Variants in MAPK9 observed in about 807,000 individuals in gnomAD.
The protein encoded by MAPK9 is mitogen-activated protein kinase 9.
In MAPK9, 30 loss-of-function variants were observed where a neutral mutation model predicts 57.1. That is an observed-to-expected ratio of 0.53 (90% CI 0.39 to 0.71). The LOEUF (loss-of-function observed/expected upper bound fraction) is 0.71. MAPK9 is among the 30% of genes least tolerant of loss of function. The pLI is 0.00. For synonymous variants in MAPK9, 155 were observed against 177.0 expected, an observed-to-expected ratio of 0.88 and a Z score of 0.99; for missense variants, 362 against 521.0, an observed-to-expected ratio of 0.69 and a Z score of 2.97.
chr5:180,245,129 C>T (rs1168686104), intron 7 of MAPK9, among the ~76,000 whole-genome samples: 1 of 152,236 alleles, frequency 6.6e-6, no homozygotes, highest in African/African-American at 2.4e-5. Context: ...CAGTCCTAGG[C>T]TTCAAGGCTA....
intron 5 of MAPK9, among the ~76,000 whole-genome samples, chr5:180,256,046 A>G (rs1018008648): frequency 9.2e-5 from 14 of 152,242 alleles, no homozygotes; most frequent in South Asian, 4.1e-4. Context: ...TCAAAAGGAC[A>G]TAAGTACAGA....
intron 2 of MAPK9, among the ~76,000 whole-genome samples, chr5:180,273,520 T>A (rs1761549656): frequency 6.6e-6 from 1 of 152,050 alleles, no homozygotes; most frequent in African/African-American, 2.4e-5. Context: ...AGCCACCACA[T>A]CCAGCAGATA....
rs1228534775 is a variant in MAPK9 at position 180,238,546 on chromosome 5, T to C, written c.1061-143A>G. On this transcript the variant is annotated intron_variant, in intron 10 of 11. Coordinates refer to ENST00000452135, the MANE Select transcript of MAPK9 (RefSeq NM_002752.5). ...GTAAGACAGAGTCAATTCAGTAATA[T>C]AGTCTACCTGGACCAAAATATTCAT... is the stretch of plus-strand genomic sequence containing the variant. 4 of 585,834 alleles carry C rather than the reference T, an allele frequency of 6.8e-6. No individual in the cohort carries two copies. In the Admixed American group the frequency reaches 1.2e-4, roughly 18 times the overall value. The allele number at this position is 585,834 out of a possible 1,614,324, so 36.3% of individuals were successfully genotyped here. A position where few individuals can be genotyped will look rare whatever the true frequency, so the allele number is the denominator to read the frequency against.
chr5:180,289,209 C>G (rs1379957870), intron 1 of MAPK9, among the ~76,000 whole-genome samples: 1 of 152,116 alleles, frequency 6.6e-6, no homozygotes, highest in African/African-American at 2.4e-5. Flanking sequence ...TTTTCTTTAT[C>G]CAGAAAATTA....
rs192663469 is a variant in MAPK9 at position 180,265,920 on chromosome 5, T to A, written c.253-1081A>T. ...AAACATGAAATAAAACCTCAGAATATAGATAAACATTTATATAATCCTAGC... is the reference window on the plus strand; with the variant it reads ...AAACATGAAATAAAACCTCAGAATAAAGATAAACATTTATATAATCCTAGC... On this transcript the variant is annotated intron_variant, in intron 3 of 11. Coordinates refer to ENST00000452135, the MANE Select transcript of MAPK9 (RefSeq NM_002752.5). Among the ~76,000 whole-genome samples the A allele has an allele frequency of 7.2e-5, 11 of 152,108 alleles. No homozygotes were observed. The East Asian group carries it at 2.1e-3, about 29-fold the overall frequency.
intron 2 of MAPK9, among the ~76,000 whole-genome samples, chr5:180,277,196 A>G (rs1026459314): frequency 6.6e-6 from 1 of 152,270 alleles, no homozygotes; most frequent in Admixed American, 6.5e-5. Context: ...TATTGTAACA[A>G]GTAACCACCA....
Position 180,247,456 on chromosome 5 carries a change from A to G in MAPK9, c.671T>C (p.Ile224Thr). ...IMGELVKGCV[I>T]FQGTDHIDQW... ...AAGGATACGGTCAGTGCCTTGGAAT[A>G]TCACACAACCTTTCACCAGCTCTCC... The change falls in exon 7 of 12, where the codon ATA becomes ACA. Residue 224 changes from isoleucine (I) to threonine (T), a missense_variant. Physicochemically the swap from Ile to Thr is moderately conservative, Grantham distance 89. Transcript: ENST00000452135. This position sits in a 1 kb window ranked among gnomAD's most constrained non-coding sequence, Gnocchi z 4.5. 2 of 1,614,240 alleles carry G rather than the reference A, an allele frequency of 1.2e-6. No individual in the cohort carries two copies. The highest frequency in any genetic ancestry group is 1.7e-6 in the Non-Finnish European group (2 of 1,180,048).
intron 7 of MAPK9, among the ~76,000 whole-genome samples, chr5:180,243,642 G>C (rs1281647289): frequency 6.6e-6 from 1 of 152,134 alleles, no homozygotes; most frequent in Non-Finnish European, 1.5e-5. Context: ...AAATAACCTA[G>C]GGAACTGGTA....
chr5:180,291,186 G>A (rs921609638), intron 1 of MAPK9, among the ~76,000 whole-genome samples: 8 of 152,166 alleles, frequency 5.3e-5, no homozygotes, highest in Non-Finnish European at 1.2e-4. Flanking sequence ...AGATGAGTGG[G>A]ACGGGGCAGC....
At chr5:180,269,789 T>C (rs966683051) in intron 2 of MAPK9, among the ~76,000 whole-genome samples, 1 of 152,240 alleles carries the variant, frequency 6.6e-6, no homozygotes, top group Middle Eastern at 3.2e-3. Flanking sequence ...TGTCTTAAAA[T>C]GTGTATATTT....
chr5:180,235,230 C>G lies in MAPK9; in HGVS notation c.*1154G>C, dbSNP rs978694521. On this transcript the variant is annotated 3_prime_UTR_variant, in exon 12 of 12. Transcript: ENST00000452135. ...CAGAACATTCTTGTGAAAAGGAATG[C>G]CTCCCAACAATGGAGAGCAACAATA... is the stretch of plus-strand genomic sequence containing the variant. 3 of 152,192 alleles carry G rather than the reference C, an allele frequency of 2.0e-5. No individual in the cohort carries two copies. The highest frequency in any genetic ancestry group is 7.2e-5 in the African/African-American group (3 of 41,440). The allele number at this position is 152,192 out of a possible 1,614,324, so 9.4% of individuals were successfully genotyped here.
chr5:180,279,746 T>C (rs1461183563), intron 2 of MAPK9: 2 of 421,860 alleles, frequency 4.7e-6, no homozygotes, highest in South Asian at 1.6e-5. Context: ...GGGTAAAAAG[T>C]GTGGGAAGTG....
intron 2 of MAPK9, among the ~76,000 whole-genome samples, chr5:180,275,792 GC>G (rs1343449427): frequency 2.0e-5 from 3 of 152,172 alleles, no homozygotes; most frequent in African/African-American, 7.2e-5. Flanking sequence ...TATGCCCACA[GC>G]CTCTGTAGTT....
chr5:180,246,297 A>C (rs947459257), intron 7 of MAPK9: 1 of 152,218 alleles, frequency 6.6e-6, no homozygotes, highest in Non-Finnish European at 1.5e-5. Flanking sequence ...GAGGCTATGG[A>C]AACTGCTAGA....
At chr5:180,269,194 A>G (rs1761012201) in intron 3 of MAPK9, 86 bp downstream of exon 3, 1 of 1,383,238 alleles carries the variant, frequency 7.2e-7, no homozygotes, top group Non-Finnish European at 1.0e-6. Context: ...CCTAGGTCTG[A>G]ACTCAATGTA....
At chr5:180,281,966 G>A (rs77590051) in intron 1 of MAPK9, among the ~76,000 whole-genome samples, 138 of 152,304 alleles carry the variant, frequency 9.1e-4, no homozygotes, top group African/African-American at 3.3e-3. Context: ...TGTTACCTGG[G>A]AGCAATCTAG....
At chr5:180,273,144 T>C (rs1319926903) in intron 2 of MAPK9, among the ~76,000 whole-genome samples, 1 of 152,236 alleles carries the variant, frequency 6.6e-6, no homozygotes, top group East Asian at 1.9e-4. Flanking sequence ...AATAACGGCA[T>C]TGAGCACTTT....
At chr5:180,289,427 T>TA (rs1280078627) in intron 1 of MAPK9, among the ~76,000 whole-genome samples, 1 of 152,080 alleles carries the variant, frequency 6.6e-6, no homozygotes, top group Non-Finnish European at 1.5e-5. Context: ...AAAAAAAAGT[T>TA]AAATGGAGGA....
chr5:180,273,229 C>G (rs1761510037), intron 2 of MAPK9, among the ~76,000 whole-genome samples: 1 of 152,142 alleles, frequency 6.6e-6, no homozygotes, highest in Admixed American at 6.5e-5. Flanking sequence ...TTATAATCTT[C>G]TTGACTGTTG....
Sources: gnomAD v4.1 joint callset for allele counts (sites outside exome capture counted in the v4.1 genomes callset) on GRCh38, gnomAD v4.1.1 for gene constraint, Gnocchi (gnomAD v3.1) non-coding constraint, MANE v1.5 for transcripts, NCBI Gene and HGNC (gene_info 2026-07-23, HGNC 2026-07-21) for gene names.